Variants in MECOM observed in about 807,000 individuals in gnomAD.
MECOM encodes the protein histone-lysine N-methyltransferase MECOM.
In MECOM, 13 loss-of-function variants were observed where a neutral mutation model predicts 116.3. That is an observed-to-expected ratio of 0.11 (90% CI 0.07 to 0.18). The LOEUF is 0.18. Ranked by LOEUF, MECOM falls within the 10% of genes least tolerant of loss-of-function variation. The pLI, the probability that MECOM is intolerant of heterozygous loss-of-function variation, is 1.00. For missense variants in MECOM, 1,299 were observed against 1,509.0 expected (o/e 0.86, Z 2.31); for synonymous variants, 528 against 535.2 (o/e 0.99, Z 0.19).
intron 1 of MECOM, among the ~76,000 whole-genome samples, chr3:169,423,824 G>A (rs1460155387): frequency 6.6e-6 from 1 of 152,018 alleles, no homozygotes; most frequent in Non-Finnish European, 1.5e-5. Flanking sequence ...AGCTGCCTCC[G>A]AAGTTTTGAA....
intron 2 of MECOM, among the ~76,000 whole-genome samples, chr3:169,177,127 A>G (rs1207367689): frequency 3.3e-5 from 5 of 152,208 alleles, no homozygotes. Context: ...TATATACCCA[A>G]AGGAATATAA....
At chr3:169,570,967 T>C (rs1250362522) in intron 1 of MECOM, among the ~76,000 whole-genome samples, 2 of 152,086 alleles carry the variant, frequency 1.3e-5, no homozygotes, top group African/African-American at 4.8e-5. Flanking sequence ...CTATTCAACA[T>C]AGTATTGGAA....
chr3:169,222,131 C>G (rs147956910), intron 2 of MECOM, among the ~76,000 whole-genome samples: 1 of 152,120 alleles, frequency 6.6e-6, no homozygotes, highest in African/African-American at 2.4e-5. Context: ...ACATTCCCAT[C>G]GTCACAGAAA....
rs1688122544 is a variant in MECOM, at chr3:169,569,055, TAA to T, written c.37+94279_37+94280del. On this transcript the variant is annotated intron_variant, in intron 1 of 16. Transcript: ENST00000651503. Reference sequence around the variant, plus strand: ...AAAAGACACAGACTGGCAAATTGGGTAAAGAGTCAAGACCCATCGGTGTGCTG... The same window carrying T: ...AAAAGACACAGACTGGCAAATTGGGTAGAGTCAAGACCCATCGGTGTGCTG... 3.3e-5 allele frequency among the ~76,000 whole-genome samples: 5 copies of T among 151,620 alleles called. 1 individual carries two copies. The South Asian group carries it at 1.0e-3, about 32-fold the overall frequency.
In MECOM at chr3:169,224,443, A is replaced by G. The variant is rs369595954; in HGVS notation, c.376-80611T>C. Among the ~76,000 whole-genome samples, 23 of 152,274 alleles carry G rather than the reference A, an allele frequency of 1.5e-4. No individual in the cohort carries two copies. The East Asian group carries it at 3.5e-3, about 23-fold the overall frequency. On this transcript the variant is annotated intron_variant, in intron 2 of 16. Coordinates refer to ENST00000651503, the MANE Select transcript of MECOM (RefSeq NM_004991.4). ...GTTTGAATGGCTTGAGGGGGATGCCATGGCTTCCTAGGGTTCTCAAAACGC... is the reference window on the plus strand; with the variant it reads ...GTTTGAATGGCTTGAGGGGGATGCCGTGGCTTCCTAGGGTTCTCAAAACGC...
rs1401538262 is a variant in MECOM, at chr3:169,662,268, C to T, written c.37+1068G>A. ...GGGGCGCCGGGGAGGGTTATTGACCCTGGACCCAGGCTGCACCCAGACGAA... is the reference window on the plus strand; with the variant it reads ...GGGGCGCCGGGGAGGGTTATTGACCTTGGACCCAGGCTGCACCCAGACGAA... On this transcript the variant is annotated intron_variant, in intron 1 of 16. Transcript: ENST00000651503. Among the ~76,000 whole-genome samples the T allele has an allele frequency of 2.0e-5, 3 of 152,338 alleles. No individual in the cohort carries two copies. The East Asian group carries it at 5.8e-4, about 30-fold the overall frequency.
At chr3:169,222,313 G>C in intron 2 of MECOM, among the ~76,000 whole-genome samples, 1 of 152,214 alleles carries the variant, frequency 6.6e-6, no homozygotes, top group South Asian at 2.1e-4. Context: ...TTTAAAGGTA[G>C]CTATGGTTTC....
chr3:169,313,456 A>C (rs1157568500), intron 2 of MECOM, among the ~76,000 whole-genome samples: 2 of 152,228 alleles, frequency 1.3e-5, no homozygotes, highest in Non-Finnish European at 2.9e-5. Context: ...ATGATACTAC[A>C]GAGAGAGGGC....
At chr3:169,545,048 T>C (rs558745771) in intron 1 of MECOM, among the ~76,000 whole-genome samples, 6 of 152,116 alleles carry the variant, frequency 3.9e-5, no homozygotes, top group African/African-American at 1.4e-4. Flanking sequence ...TTAAAAAAAA[T>C]TTTTTTAATT....
At chr3:169,530,095 A>G (rs576129733) in intron 1 of MECOM, among the ~76,000 whole-genome samples, 36 of 152,346 alleles carry the variant, frequency 2.4e-4, no homozygotes, top group African/African-American at 8.7e-4. Flanking sequence ...AACAGGTGAC[A>G]TCCAAGGTAG....
At chr3:169,357,135 C>A (rs1199274391) in intron 2 of MECOM, among the ~76,000 whole-genome samples, 1 of 151,874 alleles carries the variant, frequency 6.6e-6, no homozygotes, top group East Asian at 1.9e-4. Flanking sequence ...TTACCAATAC[C>A]CACTAGTAAT....
chr3:169,546,616 T>C (rs1260884354), intron 1 of MECOM, among the ~76,000 whole-genome samples: 2 of 152,190 alleles, frequency 1.3e-5, no homozygotes, highest in Non-Finnish European at 2.9e-5. Flanking sequence ...GATGCAGCTC[T>C]CCTGGTAGTG....
chr3:169,546,526 G>A lies in MECOM; in HGVS notation c.37+116810C>T, dbSNP rs78711083. On this transcript the variant is annotated intron_variant, in intron 1 of 16. Coordinates refer to ENST00000651503, the MANE Select transcript of MECOM (RefSeq NM_004991.4). ...AGTGACTGGTCCAATGTACACATCT[G>A]ACCTTGGCAGGCCCACAGAGTTTGC... Among the ~76,000 whole-genome samples, 1,457 of 152,278 alleles carry A rather than the reference G, an allele frequency of 9.6e-3. 20 individuals are homozygous for A. Among genetic ancestry groups the A allele is most frequent in the African/African-American group, 0.033 (1,390 of 41,548 alleles).
At chr3:169,492,831 G>A (rs1578255626) in intron 1 of MECOM, among the ~76,000 whole-genome samples, 1 of 152,200 alleles carries the variant, frequency 6.6e-6, no homozygotes, top group Admixed American at 6.5e-5. Context: ...GTGGTGGTGA[G>A]CACCTGTTGT....
chr3:169,092,829 G>A, intron 14 of MECOM, 129 bp downstream of exon 14: 2 of 986,396 alleles, frequency 2.0e-6, no homozygotes, highest in South Asian at 1.6e-5. Flanking sequence ...TATTTAATAT[G>A]TACTAAATAT....
intron 2 of MECOM, among the ~76,000 whole-genome samples, chr3:169,158,717 A>G (rs1346443525): frequency 6.6e-6 from 1 of 152,214 alleles, no homozygotes; most frequent in Non-Finnish European, 1.5e-5. Context: ...CTTGATTTTC[A>G]ATTACCTGCT....
At chr3:169,638,045 C>A (rs890982481) in intron 1 of MECOM, among the ~76,000 whole-genome samples, 1 of 152,180 alleles carries the variant, frequency 6.6e-6, no homozygotes, top group African/African-American at 2.4e-5. Context: ...AGAAATATTT[C>A]ATCTGACACC....
chr3:169,502,459 C>A (rs539416833), intron 1 of MECOM, among the ~76,000 whole-genome samples: 2 of 152,198 alleles, frequency 1.3e-5, no homozygotes, highest in South Asian at 4.1e-4. Flanking sequence ...CAAACCTATT[C>A]TAATAAATTT....
At chr3:169,235,157 G>A (rs186547894) in intron 2 of MECOM, among the ~76,000 whole-genome samples, 1 of 152,238 alleles carries the variant, frequency 6.6e-6, no homozygotes, top group East Asian at 1.9e-4. Context: ...ACTTGCCACT[G>A]ACTTCTATTA....
Sources: gnomAD v4.1 joint callset for allele counts (sites outside exome capture counted in the v4.1 genomes callset) on GRCh38, gnomAD v4.1.1 for gene constraint, MANE v1.5 for transcripts, NCBI Gene and HGNC (gene_info 2026-07-23, HGNC 2026-07-21) for gene names.